EPHA6: variants seen among roughly 807,000 people sequenced by gnomAD.
EPHA6 encodes the protein ephrin type-A receptor 6.
In EPHA6, 50 loss-of-function variants were observed where a neutral mutation model predicts 112.0. The ratio of observed to expected loss-of-function variants is 0.45; its 90% CI spans 0.36 to 0.56. The LOEUF is 0.56. Ranked by LOEUF, EPHA6 falls within the 20% of genes least tolerant of loss-of-function variation. The pLI is 0.00. For synonymous variants in EPHA6, 529 were observed against 490.7 expected, an observed-to-expected ratio of 1.08 and a Z score of -1.03; for missense variants, 1,280 against 1,417.4, an observed-to-expected ratio of 0.90 and a Z score of 1.56.
chr3:97,597,027 C>T (rs2093600682), intron 12 of EPHA6, among the ~76,000 whole-genome samples: 2 of 150,174 alleles, frequency 1.3e-5, no homozygotes, highest in African/African-American at 2.5e-5. Context: ...CTTAAACTAA[C>T]AAGTTTAAGA....
At chr3:96,829,368 A>T (rs962446344) in intron 1 of EPHA6, among the ~76,000 whole-genome samples, 14 of 152,116 alleles carry the variant, frequency 9.2e-5, no homozygotes, top group African/African-American at 2.4e-4. Flanking sequence ...ATAAATAATT[A>T]CTGTGGGGTC....
At chr3:97,683,107 G>A (rs1462015517) in intron 14 of EPHA6, among the ~76,000 whole-genome samples, 5 of 151,992 alleles carry the variant, frequency 3.3e-5, no homozygotes, top group Non-Finnish European at 7.4e-5. Context: ...AGAAAACTTT[G>A]TTTCTCCTTT....
At chr3:96,951,758 T>C (rs1196084663) in intron 2 of EPHA6, among the ~76,000 whole-genome samples, 1 of 152,178 alleles carries the variant, frequency 6.6e-6, no homozygotes, top group African/African-American at 2.4e-5. Flanking sequence ...AATGTCCAAG[T>C]TATATTATGC....
chr3:97,560,339 G>A (rs1319632769), intron 11 of EPHA6: 1 of 151,980 alleles, frequency 6.6e-6, no homozygotes, highest in East Asian at 1.9e-4. Context: ...AACAGTATGG[G>A]TTTTGTTCAA....
At chr3:97,614,191 C>A (rs576337375) in intron 13 of EPHA6, among the ~76,000 whole-genome samples, 1 of 151,878 alleles carries the variant, frequency 6.6e-6, no homozygotes, top group South Asian at 2.1e-4. Context: ...ACATGTCAAC[C>A]ACAAAAAAAT....
intron 5 of EPHA6, among the ~76,000 whole-genome samples, chr3:97,386,672 G>C (rs983045718): frequency 3.9e-5 from 6 of 152,138 alleles, no homozygotes; most frequent in Non-Finnish European, 7.3e-5. Context: ...ACTCTTCTGG[G>C]GTCTGGAGGA....
Position 96,957,797 on chromosome 3 carries a change from G to C in EPHA6, c.451-29533G>C, listed in dbSNP as rs1404076155. Among the ~76,000 whole-genome samples the C allele has an allele frequency of 2.0e-5, 3 of 152,070 alleles. No homozygotes were observed. In the East Asian group the frequency reaches 5.8e-4, roughly 29 times the overall value. On this transcript the variant is annotated intron_variant, in intron 2 of 17. Transcript: ENST00000389672. ...TTATATGTTTGTTTTTACTTATTTG[G>C]CATTCCTTTTTTATTGCCAAATACT...
At chr3:96,984,628 T>C (rs575275671) in intron 2 of EPHA6, among the ~76,000 whole-genome samples, 2 of 152,160 alleles carry the variant, frequency 1.3e-5, no homozygotes, top group African/African-American at 4.8e-5. Flanking sequence ...TGTCTTTTGT[T>C]TGTCTATGCC....
chr3:97,588,750 A>G (rs531532898), intron 11 of EPHA6, among the ~76,000 whole-genome samples: 28 of 152,330 alleles, frequency 1.8e-4, no homozygotes, highest in African/African-American at 5.0e-4. Context: ...ATAATTTTCA[A>G]TTTACAGATG....
intron 2 of EPHA6, among the ~76,000 whole-genome samples, chr3:96,924,090 T>C (rs539050516): frequency 3.9e-5 from 6 of 152,290 alleles, no homozygotes; most frequent in South Asian, 2.1e-4. Flanking sequence ...TACCTCTAGA[T>C]TTTTTCTTTT....
At chr3:97,087,698 T>C (rs2046944572) in intron 3 of EPHA6, among the ~76,000 whole-genome samples, 1 of 152,168 alleles carries the variant, frequency 6.6e-6, no homozygotes, top group Non-Finnish European at 1.5e-5. Context: ...TCTTCTGAAA[T>C]GACAGTAGTG....
chr3:97,332,940 A>G (rs2082870656), intron 5 of EPHA6, among the ~76,000 whole-genome samples: 1 of 151,780 alleles, frequency 6.6e-6, no homozygotes, highest in Non-Finnish European at 1.5e-5. Context: ...TTTTTTGACT[A>G]TTGCAGAGTC....
At position 97,528,635 on chromosome 3, in the gene EPHA6, G is replaced by A. The variant is rs111599184; in HGVS notation, c.2201-3723G>A. Reference sequence around the variant, plus strand: ...GGAAGTACCAGAATCTCAGAACATGGGAAGTAAACTTTGGAAAGCCTCAAA... The same window carrying A: ...GGAAGTACCAGAATCTCAGAACATGAGAAGTAAACTTTGGAAAGCCTCAAA... On this transcript the variant is annotated intron_variant, in intron 10 of 17. Coordinates refer to ENST00000389672, the MANE Select transcript of EPHA6 (RefSeq NM_001080448.3). Among the ~76,000 whole-genome samples, 39 of 152,210 alleles carry A rather than the reference G, an allele frequency of 2.6e-4. 1 individual carries two copies. Among genetic ancestry groups the A allele is most frequent in the African/African-American group, 7.0e-4 (29 of 41,552 alleles).
intron 12 of EPHA6, among the ~76,000 whole-genome samples, chr3:97,601,577 C>A (rs1333525235): frequency 6.6e-6 from 1 of 152,064 alleles, no homozygotes; most frequent in Non-Finnish European, 1.5e-5. Context: ...ACCATGTTGG[C>A]TTTTCATATT....
At chr3:97,508,792 A>C (rs2107582434) in intron 10 of EPHA6, among the ~76,000 whole-genome samples, 1 of 152,134 alleles carries the variant, frequency 6.6e-6, no homozygotes, top group African/African-American at 2.4e-5. Flanking sequence ...TGGGAGTCTA[A>C]GTCTCTTCGT....
chr3:97,455,071 G>A (rs1461262840), intron 7 of EPHA6, among the ~76,000 whole-genome samples: 1 of 151,990 alleles, frequency 6.6e-6, no homozygotes, highest in Non-Finnish European at 1.5e-5. Context: ...CAGTTAGGTT[G>A]TCTGAATATA....
In EPHA6 at chr3:97,166,416, TG is replaced by T. The variant is rs201398497; in HGVS notation, c.1115-59842del. Among the ~76,000 whole-genome samples the T allele has an allele frequency of 1.9e-3, 283 of 151,892 alleles. 1 individual carries two copies. Among genetic ancestry groups the T allele is most frequent in the East Asian group, 0.016 (83 of 5,158 alleles). On this transcript the variant is annotated intron_variant, in intron 3 of 17. Transcript: ENST00000389672. ...GTGTGTATAATGGCTTCTATGATGT[TG>T]GGGGGTGGGGAGACCCTGCCTGTGA...
chr3:96,973,862 A>G (rs1446409182), intron 2 of EPHA6, among the ~76,000 whole-genome samples: 2 of 146,244 alleles, frequency 1.4e-5, no homozygotes, highest in Non-Finnish European at 3.0e-5. Flanking sequence ...TCTATATTAT[A>G]TAATATATAA....
intron 11 of EPHA6, among the ~76,000 whole-genome samples, chr3:97,591,483 A>G (rs1206445827): frequency 6.6e-6 from 1 of 152,084 alleles, no homozygotes; most frequent in Non-Finnish European, 1.5e-5. Flanking sequence ...ATGTGAAGCT[A>G]TGCAGCCTGA....
Sources: allele counts gnomAD v4.1 joint callset (sites outside exome capture counted in the v4.1 genomes callset), GRCh38; gene constraint gnomAD v4.1.1; transcripts MANE v1.5; gene names NCBI Gene and HGNC (gene_info 2026-07-23, HGNC 2026-07-21).